MAST1: variants seen among roughly 807,000 people sequenced by gnomAD.
The protein encoded by MAST1 is microtubule associated serine/threonine kinase 1, also known as microtubule-associated serine/threonine-protein kinase 1.
Under a neutral mutation model 124.6 loss-of-function variants are expected in MAST1, and 40 were observed. That is an observed-to-expected ratio of 0.32 (90% confidence interval 0.25 to 0.42). The LOEUF is 0.42. Among genes scored for constraint, MAST1 ranks in the 10% least tolerant of loss-of-function variants. MAST1 has a pLI of 1.00. For missense variants in MAST1, 1,558 were observed against 2,181.9 expected (o/e 0.71, Z 5.70); for synonymous variants, 938 against 939.4 (o/e 1.00, Z 0.03).
chr19:12,872,980 G>A (rs1207789279), intron 24 of MAST1, among the ~76,000 whole-genome samples: 3 of 152,160 alleles, frequency 2.0e-5, no homozygotes, highest in African/African-American at 7.2e-5. Flanking sequence ...AAGTTGGGCG[G>A]GGCCTGAAGT....
In MAST1 at chr19:12,873,592, C is replaced by T. The variant is rs755313643; in HGVS notation, c.3452-17C>T. 9 of 1,579,616 alleles carry T rather than the reference C, an allele frequency of 5.7e-6. No individual in the cohort carries two copies. Among genetic ancestry groups the T allele is most frequent in the East Asian group, 2.3e-5 (1 of 44,374 alleles). On this transcript the variant is annotated splice_polypyrimidine_tract_variant and intron_variant, in intron 25 of 25. Coordinates refer to ENST00000251472, the MANE Select transcript of MAST1 (RefSeq NM_014975.3). ...GCTTGGGCTGTACTCACTCGCTTCA[C>T]CTCCTGTCTCCCGCAGGCGCCTCAT...
chr19:12,868,879 G>C (rs1451747137), intron 21 of MAST1, 30 bp downstream of exon 21: 2 of 1,557,376 alleles, frequency 1.3e-6, no homozygotes, highest in Non-Finnish European at 1.7e-6. Flanking sequence ...GGCAGGGGAG[G>C]GGCTGCCCCC....
At position 12,865,660 on chromosome 19, in the gene MAST1, T is replaced by G; in HGVS notation, c.1805-57T>G. ...CCAGCTGGGTGACACAGTGAGATCC[T>G]GTGTCCAAACAACAACAACAACAAA... On this transcript the variant is annotated intron_variant, in intron 15 of 25. Coordinates refer to ENST00000251472, the MANE Select transcript of MAST1 (RefSeq NM_014975.3). The surrounding 1 kb of genome is among the most constrained non-coding windows in gnomAD (Gnocchi z 7.1). 1.6e-5 allele frequency: 24 copies of G among 1,496,454 alleles called. No homozygotes were observed. The highest frequency in any genetic ancestry group is 2.1e-5 in the Non-Finnish European group (23 of 1,094,570). 92.7% of individuals were successfully genotyped at this position (1,496,454 alleles called of 1,614,324 possible). A position where few individuals can be genotyped will look rare whatever the true frequency, so the allele number is the denominator to read the frequency against.
At chr19:12,848,118 C>A (rs1969919192) in intron 7 of MAST1, 61 bp downstream of exon 7, 2 of 1,459,846 alleles carry the variant, frequency 1.4e-6, no homozygotes, top group African/African-American at 1.4e-5. Context: ...GTGCCCAATG[C>A]ACCCCTTTCT....
intron 24 of MAST1, 52 bp downstream of exon 24, chr19:12,871,224 C>G: frequency 6.2e-7 from 1 of 1,608,950 alleles, no homozygotes; most frequent in African/African-American, 1.3e-5. Flanking sequence ...GGAACTTAGG[C>G]GGGAGGGGCA....
At chr19:12,845,213 G>T (rs1969877331) in intron 4 of MAST1, among the ~76,000 whole-genome samples, 1 of 151,882 alleles carries the variant, frequency 6.6e-6, no homozygotes, top group Non-Finnish European at 1.5e-5. Context: ...GAGGCAGGGA[G>T]AATTGCTTGA....
intron 22 of MAST1, among the ~76,000 whole-genome samples, chr19:12,869,752 C>T (rs775275838): frequency 6.1e-4 from 93 of 151,710 alleles, no homozygotes; most frequent in Non-Finnish European, 1.3e-3. Context: ...GTTTCTTCAT[C>T]TGCAAAATGG....
intron 10 of MAST1, among the ~76,000 whole-genome samples, chr19:12,858,006 C>CAAAAAAAAAAAAAAAAAAAA (rs539497049): frequency 4.0e-5 from 2 of 49,446 alleles, no homozygotes; most frequent in African/African-American, 1.1e-4. Flanking sequence ...GAACCTATCT[C>CAAAAAAAAAAAAAAAAAAAA]AAAAAAAAAA....
intron 24 of MAST1, among the ~76,000 whole-genome samples, chr19:12,871,605 TCAAA>T (rs542155087): frequency 3.6e-4 from 54 of 150,704 alleles, no homozygotes; most frequent in East Asian, 1.2e-3. Context: ...AGACTCCATC[TCAAA>T]CAAACAAACA....
At chr19:12,864,263 C>T (rs1052523849) in intron 12 of MAST1, among the ~76,000 whole-genome samples, 2 of 151,952 alleles carry the variant, frequency 1.3e-5, no homozygotes, top group Non-Finnish European at 2.9e-5. Flanking sequence ...GGCATGGTGG[C>T]TCACATCTGT....
At chr19:12,850,778 G>A (rs1419729662) in intron 7 of MAST1, among the ~76,000 whole-genome samples, 1 of 151,758 alleles carries the variant, frequency 6.6e-6, no homozygotes, top group Non-Finnish European at 1.5e-5. Context: ...TGCCCAGGGT[G>A]GTCTTGAACT....
Position 12,873,865 on chromosome 19 carries a change from G to C in MAST1, c.3708G>C (p.Pro1236=), listed in dbSNP as rs568392364. Residue 1236 remains proline, a synonymous_variant, in exon 26 of 26, where the codon CCG becomes CCC. Transcript: ENST00000251472. ...VGSSHTTQSF[P]AKLHSSPPVV... ...GCTCGCACACTACTCAGAGCTTCCC[G>C]GCCAAACTGCACTCATCGCCTCCCG... 1 of 1,583,930 alleles carries C rather than the reference G, an allele frequency of 6.3e-7. No individual in the cohort carries two copies. The highest frequency in any genetic ancestry group is 2.3e-5 in the East Asian group (1 of 44,166).
At chr19:12,860,855 G>A (rs1262647981) in intron 12 of MAST1, among the ~76,000 whole-genome samples, 1 of 151,798 alleles carries the variant, frequency 6.6e-6, no homozygotes, top group African/African-American at 2.4e-5. Flanking sequence ...TGATCCCTGG[G>A]GCCTCAGCTG....
Position 12,852,342 on chromosome 19 carries a change from G to A in MAST1, c.1024G>A (p.Glu342Lys). 6.2e-7 allele frequency: 1 copy of A among 1,614,048 alleles called. No individual in the cohort carries two copies. The change falls in exon 10 of 26, where the codon GAG becomes AAG. Residue 342 changes from glutamate (E) to lysine (K), a missense_variant. Transcript: ENST00000251472. The part of the protein sequence containing the change: ...RDPFPDVVHL[E>K]EQDSGGSNTP... ...TCCCTCCCTAGATGTGGTGCATCTG[G>A]AGGAACAGGACAGTGGTGGTTCCAA...
chr19:12,856,739 T>A (rs1436394740), intron 10 of MAST1, among the ~76,000 whole-genome samples: 1 of 152,260 alleles, frequency 6.6e-6, no homozygotes, highest in African/African-American at 2.4e-5. Context: ...ACAATGTTTC[T>A]TTATCTAACT....
Position 12,866,776 on chromosome 19 carries a change from G to A in MAST1, c.2139+14G>A, listed in dbSNP as rs760317771. The stretch of plus-strand genomic sequence containing the variant: ...CGCTTCAGCAAGGTGGGCCAAGTCT[G>A]GGTGTGGGACAGGGCGAGACCCCAG... On this transcript the variant is annotated intron_variant, in intron 18 of 25. Transcript: ENST00000251472. This position sits in a 1 kb window ranked among gnomAD's most constrained non-coding sequence, Gnocchi z 5.2. The A allele has an allele frequency of 1.2e-6, 2 of 1,606,706 alleles. No individual in the cohort carries two copies. Among genetic ancestry groups the A allele is most frequent in the Admixed American group, 3.4e-5 (2 of 59,636 alleles).
chr19:12,850,951 T>C (rs1969951718), intron 7 of MAST1, among the ~76,000 whole-genome samples: 3 of 137,410 alleles, frequency 2.2e-5, no homozygotes, highest in Admixed American at 7.5e-5. Flanking sequence ...TTTTTTCTTT[T>C]CTTTTTTTTT....
At chr19:12,859,750 T>G (rs1011619051) in intron 12 of MAST1, among the ~76,000 whole-genome samples, 20 of 150,498 alleles carry the variant, frequency 1.3e-4, no homozygotes, top group African/African-American at 4.9e-4. Flanking sequence ...GCCGAGATCG[T>G]GCTGCTGCAC....
At chr19:12,868,103 A>ATGTTTTTTTTTTTTTTTTT (rs1970181609) in intron 20 of MAST1, 126 bp downstream of exon 20, 2 of 291,088 alleles carry the variant, frequency 6.9e-6, no homozygotes, top group Admixed American at 9.1e-5. Context: ...GCAATTTGGG[A>ATGTTTTTTTTTTTTTTTTT]TTTTTTTTTT....
Sources: allele counts gnomAD v4.1 joint callset (sites outside exome capture counted in the v4.1 genomes callset), GRCh38; gene constraint gnomAD v4.1.1; non-coding constraint Gnocchi (gnomAD v3.1); transcripts MANE v1.5; gene names NCBI Gene and HGNC (gene_info 2026-07-23, HGNC 2026-07-21).